FYB1: variants seen among roughly 807,000 people sequenced by gnomAD.
The protein encoded by FYB1 is FYN binding protein 1, also known as FYN-binding protein 1.
FYB1 carries 41 observed loss-of-function variants against 94.1 expected under a neutral mutation model. The observed-to-expected ratio is 0.44, with a 90% CI of 0.34 to 0.57. FYB1 has a LOEUF of 0.57. FYB1 is among the 20% of genes least tolerant of loss of function. The probability of loss-of-function intolerance (pLI) is 0.02; values close to 1 mark genes in which losing one functional copy is unlikely to be tolerated. For synonymous variants in FYB1, 367 were observed against 353.2 expected (o/e 1.04, Z -0.44); for missense variants, 1,050 against 976.8 (o/e 1.07, Z -1.00).
At chr5:39,127,236 G>T (rs974083230) in intron 11 of FYB1, among the ~76,000 whole-genome samples, 1 of 151,226 alleles carries the variant, frequency 6.6e-6, no homozygotes, top group Non-Finnish European at 1.5e-5. Flanking sequence ...ATTCAATACT[G>T]GTTCTGCCAT....
intron 1 of FYB1, among the ~76,000 whole-genome samples, chr5:39,213,794 C>T (rs1488804264): frequency 6.6e-6 from 1 of 151,866 alleles, no homozygotes; most frequent in Non-Finnish European, 1.5e-5. Flanking sequence ...GTTTAGGGGC[C>T]CAGGACACCA....
chr5:39,205,058 G>C (rs1347020158), intron 1 of FYB1, among the ~76,000 whole-genome samples: 1 of 152,140 alleles, frequency 6.6e-6, no homozygotes, highest in East Asian at 1.9e-4. Context: ...AACCTTCAGA[G>C]AGATCAGAGT....
chr5:39,250,268 A>G (rs1382469548), intron 1 of FYB1, among the ~76,000 whole-genome samples: 1 of 152,240 alleles, frequency 6.6e-6, no homozygotes, highest in Non-Finnish European at 1.5e-5. Context: ...GAGGGCAGGC[A>G]GAGTGAGAGA....
chr5:39,168,365 G>A lies in FYB1; in HGVS notation c.1136-14761C>T, dbSNP rs539179974. 4.9e-4 allele frequency among the ~76,000 whole-genome samples: 75 copies of A among 152,282 alleles called. 1 individual carries two copies. The highest frequency in any genetic ancestry group is 5.2e-4 in the Admixed American group (8 of 15,294). ...GCCTGCACTTGTTAGCCTGAGACAAGTAAAGGTGTATTTTAATGACAATTA... is the reference window on the plus strand; with the variant it reads ...GCCTGCACTTGTTAGCCTGAGACAAATAAAGGTGTATTTTAATGACAATTA... On this transcript the variant is annotated intron_variant, in intron 2 of 18. Coordinates refer to ENST00000512982, the MANE Select transcript of FYB1 (RefSeq NM_001465.6).
intron 2 of FYB1, among the ~76,000 whole-genome samples, chr5:39,173,223 T>C (rs1010847029): frequency 4.6e-5 from 7 of 152,214 alleles, no homozygotes; most frequent in African/African-American, 1.2e-4. Flanking sequence ...CATTTTTTCA[T>C]TTGTTTATCG....
chr5:39,169,587 G>A (rs1031738687), intron 2 of FYB1: 4 of 479,356 alleles, frequency 8.3e-6, no homozygotes, highest in Non-Finnish European at 1.6e-5. Flanking sequence ...GCTCACGCCT[G>A]TAATCCCAGC....
At chr5:39,196,648 A>G (rs1008291115) in intron 2 of FYB1, among the ~76,000 whole-genome samples, 1 of 152,234 alleles carries the variant, frequency 6.6e-6, no homozygotes, top group Non-Finnish European at 1.5e-5. Flanking sequence ...AACAAAAGGC[A>G]TGTTTCAACC....
chr5:39,111,419 A>G (rs1250619087), intron 16 of FYB1, among the ~76,000 whole-genome samples: 1 of 151,956 alleles, frequency 6.6e-6, no homozygotes, highest in Non-Finnish European at 1.5e-5. Context: ...ATAAGCAAAA[A>G]TTAATAATAT....
At chr5:39,131,565 A>G (rs893754497) in intron 9 of FYB1, among the ~76,000 whole-genome samples, 3 of 152,240 alleles carry the variant, frequency 2.0e-5, no homozygotes, top group African/African-American at 7.2e-5. Flanking sequence ...ATAAAAACAT[A>G]AAGTTGCTGT....
intron 1 of FYB1, among the ~76,000 whole-genome samples, chr5:39,245,820 G>A (rs1384717749): frequency 2.6e-5 from 4 of 152,078 alleles, no homozygotes; most frequent in African/African-American, 9.7e-5. Flanking sequence ...GGCTGGTCTC[G>A]AACTCCTGAC....
intron 2 of FYB1, among the ~76,000 whole-genome samples, chr5:39,157,535 A>C (rs879398483): frequency 6.6e-6 from 1 of 152,250 alleles, no homozygotes; most frequent in Non-Finnish European, 1.5e-5. Flanking sequence ...TGGTTGGAAA[A>C]AAAAGCTCTC....
intron 1 of FYB1, among the ~76,000 whole-genome samples, chr5:39,226,711 T>A (rs910013333): frequency 6.6e-6 from 1 of 152,152 alleles, no homozygotes; most frequent in Non-Finnish European, 1.5e-5. Flanking sequence ...GAATAGTAGT[T>A]CTCAAACTTT....
chr5:39,231,125 GA>G (rs1264356634), intron 1 of FYB1, among the ~76,000 whole-genome samples: 1 of 84,760 alleles, frequency 1.2e-5, no homozygotes, highest in East Asian at 3.7e-4. Flanking sequence ...TGATGGAATA[GA>G]AAAAAGTACT....
intron 3 of FYB1, among the ~76,000 whole-genome samples, chr5:39,142,906 A>T (rs1352186927): frequency 6.6e-6 from 1 of 152,166 alleles, no homozygotes; most frequent in Non-Finnish European, 1.5e-5. Context: ...GTTTGTTTCC[A>T]TGAGAAATAG....
At chr5:39,258,728 C>T (rs1392009116) in intron 1 of FYB1, among the ~76,000 whole-genome samples, 1 of 152,080 alleles carries the variant, frequency 6.6e-6, no homozygotes, top group Non-Finnish European at 1.5e-5. Context: ...AAGCTTTTGG[C>T]TCTCTCACTG....
At chr5:39,223,653 C>G (rs773689958), upstream of FYB1, among the ~76,000 whole-genome samples, 1 of 152,110 alleles carries the variant, frequency 6.6e-6, no homozygotes, top group Non-Finnish European at 1.5e-5. Context: ...TAATTCTAAG[C>G]AAATGATGAA....
chr5:39,123,357 T>G (rs950226982), intron 13 of FYB1, among the ~76,000 whole-genome samples: 6 of 152,186 alleles, frequency 3.9e-5, no homozygotes, highest in African/African-American at 1.4e-4. Flanking sequence ...AGGGTCAAAG[T>G]TACTACTCCG....
At chr5:39,198,837 T>C (rs1264533443) in intron 2 of FYB1, among the ~76,000 whole-genome samples, 3 of 152,114 alleles carry the variant, frequency 2.0e-5, no homozygotes, top group Non-Finnish European at 4.4e-5. Flanking sequence ...TCAAGGAATA[T>C]CTGCATATAT....
At chr5:39,247,096 A>ATATATATATATATATT (rs1751511652) in intron 1 of FYB1, among the ~76,000 whole-genome samples, 2 of 140,788 alleles carry the variant, frequency 1.4e-5, no homozygotes, top group African/African-American at 5.2e-5. Flanking sequence ...ATATATATAT[A>ATATATATATATATATT]TATATATATA....
Sources: gnomAD v4.1 joint callset for allele counts (sites outside exome capture counted in the v4.1 genomes callset) on GRCh38, gnomAD v4.1.1 for gene constraint, MANE v1.5 for transcripts, NCBI Gene and HGNC (gene_info 2026-07-23, HGNC 2026-07-21) for gene names.